The following ANGPT1 variants were observed in gnomAD, a reference collection of about 807,000 sequenced individuals.
ANGPT1 encodes the protein angiopoietin-1.
ANGPT1 carries 17 observed loss-of-function variants against 62.2 expected under a neutral mutation model. The observed-to-expected ratio is 0.27, with a 90% CI of 0.19 to 0.41. ANGPT1 has a LOEUF of 0.41. Ranked by LOEUF, ANGPT1 falls within the 10% of genes least tolerant of loss-of-function variation. The probability of loss-of-function intolerance (pLI) is 1.00; values close to 1 mark genes in which losing one functional copy is unlikely to be tolerated. For synonymous variants in ANGPT1, 199 were observed against 198.9 expected (o/e 1.00, Z 0.00); for missense variants, 478 against 594.9 (o/e 0.80, Z 2.04).
At chr8:107,259,591 T>C (rs1245850900) in intron 8 of ANGPT1, among the ~76,000 whole-genome samples, 2 of 152,134 alleles carry the variant, frequency 1.3e-5, no homozygotes, top group Admixed American at 6.5e-5. Context: ...CATTTTTACA[T>C]AGCCTTTATA....
chr8:107,399,163 T>C (rs1342199398), intron 1 of ANGPT1, among the ~76,000 whole-genome samples: 1 of 152,160 alleles, frequency 6.6e-6, no homozygotes, highest in Admixed American at 6.5e-5. Context: ...GGGGGTCAAC[T>C]TTAGGCCTGA....
At chr8:107,319,895 C>G (rs1337373200) in intron 4 of ANGPT1, among the ~76,000 whole-genome samples, 3 of 151,962 alleles carry the variant, frequency 2.0e-5, no homozygotes, top group Non-Finnish European at 4.4e-5. Context: ...CAAATAAAAT[C>G]TATGGTCATG....
chr8:107,467,685 T>C (rs1271087706), intron 1 of ANGPT1, among the ~76,000 whole-genome samples: 2 of 152,078 alleles, frequency 1.3e-5, no homozygotes, highest in East Asian at 1.9e-4. Context: ...AGCTTAGCTC[T>C]ACGGTTTAAG....
chr8:107,458,960 C>A (rs998245787), intron 1 of ANGPT1, among the ~76,000 whole-genome samples: 1 of 152,124 alleles, frequency 6.6e-6, no homozygotes, highest in African/African-American at 2.4e-5. Context: ...AAATTCAAAC[C>A]TAGAAGAGTC....
In ANGPT1 at chr8:107,322,016, T is replaced by C; in HGVS notation, c.688A>G (p.Ile230Val). The stretch of plus-strand genomic sequence containing the variant: ...TTTAATTGCTTTTCCAGCTCCTGGA[T>C]TATATATGTTTGACGAGTAACCAAG... Reference protein sequence around the residue: ...QGLVTRQTYIIQELEKQLNRA... With the variant: ...QGLVTRQTYIVQELEKQLNRA... The change falls in exon 4 of 9, where the codon ATC (isoleucine) becomes GTC (valine). Residue 230 changes from isoleucine to valine, a missense_variant. Transcript: ENST00000517746. 6.2e-7 allele frequency: 1 copy of C among 1,613,994 alleles called. No homozygotes were observed. Among genetic ancestry groups the C allele is most frequent in the Non-Finnish European group, 8.5e-7 (1 of 1,179,920 alleles).
intron 6 of ANGPT1, among the ~76,000 whole-genome samples, chr8:107,289,874 T>C (rs538560802): frequency 4.0e-4 from 61 of 152,256 alleles, no homozygotes; most frequent in Non-Finnish European, 7.6e-4. Context: ...CCTAGCCTCA[T>C]TGCGTTTTAT....
At chr8:107,338,518 T>C (rs1815623729) in intron 2 of ANGPT1, among the ~76,000 whole-genome samples, 2 of 152,210 alleles carry the variant, frequency 1.3e-5, no homozygotes, top group Non-Finnish European at 2.9e-5. Context: ...TAAAAAAGTT[T>C]AAACTGCTAT....
At chr8:107,476,329 G>C (rs1455081017) in intron 1 of ANGPT1, among the ~76,000 whole-genome samples, 1 of 152,036 alleles carries the variant, frequency 6.6e-6, no homozygotes, top group Non-Finnish European at 1.5e-5. Flanking sequence ...GCAAACTATT[G>C]CAAGGACAAA....
intron 1 of ANGPT1, among the ~76,000 whole-genome samples, chr8:107,380,704 A>G (rs866315539): frequency 1.3e-5 from 2 of 152,182 alleles, no homozygotes; most frequent in African/African-American, 4.8e-5. Flanking sequence ...AAATGGACCT[A>G]TTGCTTTCTG....
intron 1 of ANGPT1, among the ~76,000 whole-genome samples, chr8:107,386,569 T>C (rs768367987): frequency 3.5e-4 from 54 of 152,180 alleles, no homozygotes; most frequent in Non-Finnish European, 6.5e-4. Context: ...TTAAATCACA[T>C]AGGTTAGAAA....
chr8:107,405,958 T>A lies in ANGPT1; in HGVS notation c.298-58861A>T, dbSNP rs148185962. Among the ~76,000 whole-genome samples the A allele has an allele frequency of 4.5e-4, 69 of 152,104 alleles. 1 individual carries two copies. The highest frequency in any genetic ancestry group is 1.6e-3 in the African/African-American group (65 of 41,566). ...TGAAGTCTTACAACTTCAACTCATATTTTAAACTGTGTGTTTGGGTGTTTA... is the reference window on the plus strand; with the variant it reads ...TGAAGTCTTACAACTTCAACTCATAATTTAAACTGTGTGTTTGGGTGTTTA... On this transcript the variant is annotated intron_variant, in intron 1 of 8. Coordinates refer to ENST00000517746, the MANE Select transcript of ANGPT1 (RefSeq NM_001146.5).
intron 1 of ANGPT1, among the ~76,000 whole-genome samples, chr8:107,353,454 T>C (rs950851697): frequency 6.6e-6 from 1 of 152,174 alleles, no homozygotes; most frequent in Admixed American, 6.5e-5. Flanking sequence ...GCTACTTGCT[T>C]TGCCTTTGCT....
At chr8:107,397,130 G>C (rs905434308) in intron 1 of ANGPT1, among the ~76,000 whole-genome samples, 1 of 152,108 alleles carries the variant, frequency 6.6e-6, no homozygotes, top group African/African-American at 2.4e-5. Flanking sequence ...GTAATGACAT[G>C]AGTTACCCGT....
rs372349146 is a variant in ANGPT1, at chr8:107,257,028, T to G, written c.1337-5013A>C. Among the ~76,000 whole-genome samples, 61 of 152,214 alleles carry G rather than the reference T, an allele frequency of 4.0e-4. 3 individuals are homozygous for G. The South Asian group carries it at 0.011, about 28-fold the overall frequency. On this transcript the variant is annotated intron_variant, in intron 8 of 8. Transcript: ENST00000517746. ...TCCGCTACCACGCCTGGCTAATTTT[T>G]GTATTTTTTTTAGTAGAGGTGGGGT...
At chr8:107,365,941 A>G (rs1816264645) in intron 1 of ANGPT1, among the ~76,000 whole-genome samples, 2 of 152,010 alleles carry the variant, frequency 1.3e-5, no homozygotes, top group Non-Finnish European at 2.9e-5. Context: ...AAAAAATACT[A>G]AATCCAATTA....
In ANGPT1 at chr8:107,251,275, A is replaced by G. The variant is rs1813242915; in HGVS notation, c.*580T>C. 1 of 152,674 alleles carries G rather than the reference A, an allele frequency of 6.5e-6. No individual in the cohort carries two copies. 9.5% of individuals were successfully genotyped at this position (152,674 alleles called of 1,614,324 possible). A position where few individuals can be genotyped will look rare whatever the true frequency, so the allele number is the denominator to read the frequency against. ...TTTGAAGATGGGTAAGCAGAAATCA[A>G]CTAGTAAGTATGATACTGGAATTAG... On this transcript the variant is annotated 3_prime_UTR_variant, in exon 9 of 9. Transcript: ENST00000517746.
At chr8:107,415,647 G>A (rs1337409733) in intron 1 of ANGPT1, among the ~76,000 whole-genome samples, 1 of 152,152 alleles carries the variant, frequency 6.6e-6, no homozygotes, top group Non-Finnish European at 1.5e-5. Context: ...CTCAATGGAA[G>A]CAATAGAGTA....
chr8:107,418,718 G>A (rs1481904074), intron 1 of ANGPT1, among the ~76,000 whole-genome samples: 1 of 152,106 alleles, frequency 6.6e-6, no homozygotes, highest in Non-Finnish European at 1.5e-5. Context: ...TAAAAATCTG[G>A]CTCATGAAAA....
In ANGPT1 at chr8:107,447,027, C is replaced by A. The variant is rs111951002; in HGVS notation, c.297+50235G>T. Among the ~76,000 whole-genome samples, 1,281 of 152,186 alleles carry A rather than the reference C, an allele frequency of 8.4e-3. 22 individuals are homozygous for A. Among genetic ancestry groups the A allele is most frequent in the African/African-American group, 0.028 (1,154 of 41,520 alleles). ...CAGATTGAAGACTCCTTTTTCTGTT[C>A]CTCTCTCATAGCCAACGCCTCAAGA... On this transcript the variant is annotated intron_variant, in intron 1 of 8. Transcript: ENST00000517746.
Sources: allele counts gnomAD v4.1 joint callset (sites outside exome capture counted in the v4.1 genomes callset), GRCh38; gene constraint gnomAD v4.1.1; transcripts MANE v1.5; gene names NCBI Gene and HGNC (gene_info 2026-07-23, HGNC 2026-07-21).